Variants in NELL1 observed in about 807,000 individuals in gnomAD.
The protein encoded by NELL1 is protein kinase C-binding protein NELL1.
In NELL1, 76 loss-of-function variants were observed where a neutral mutation model predicts 107.4. That is an observed-to-expected ratio of 0.71 (90% confidence interval 0.59 to 0.86). The LOEUF is 0.86. Ranked by LOEUF, NELL1 falls within the 40% of genes least tolerant of loss-of-function variation. The pLI is 0.00. For synonymous variants in NELL1, 353 were observed against 341.2 expected (o/e 1.03, Z -0.38); for missense variants, 1,024 against 1,005.5 (o/e 1.02, Z -0.25).
intron 11 of NELL1, among the ~76,000 whole-genome samples, chr11:20,951,222 T>G (rs548633176): frequency 6.6e-6 from 1 of 152,238 alleles, no homozygotes. Context: ...ATTTTACATA[T>G]GAAATAAGGT....
intron 5 of NELL1, among the ~76,000 whole-genome samples, chr11:20,893,829 C>A (rs1849668707): frequency 8.1e-6 from 1 of 124,090 alleles, no homozygotes; most frequent in African/African-American, 3.0e-5. Flanking sequence ...AAAATAAGGA[C>A]TCATAAATGT....
At chr11:21,068,436 A>G (rs1413233249) in intron 12 of NELL1, among the ~76,000 whole-genome samples, 1 of 152,172 alleles carries the variant, frequency 6.6e-6, no homozygotes, top group African/African-American at 2.4e-5. Context: ...TACTCTTTCC[A>G]CTTCATTAGA....
chr11:21,257,598 G>A (rs566550220), intron 14 of NELL1, among the ~76,000 whole-genome samples: 2 of 151,968 alleles, frequency 1.3e-5, no homozygotes, highest in African/African-American at 2.4e-5. Context: ...GGAAGTAAAG[G>A]TGAACTCCTG....
chr11:21,539,921 T>G (rs922110245), intron 16 of NELL1, among the ~76,000 whole-genome samples: 1 of 151,948 alleles, frequency 6.6e-6, no homozygotes, highest in African/African-American at 2.4e-5. Context: ...CCCTGTCTCC[T>G]GTCCATATCA....
chr11:21,260,989 G>T (rs1848517938), intron 14 of NELL1, among the ~76,000 whole-genome samples: 1 of 151,678 alleles, frequency 6.6e-6, no homozygotes, highest in African/African-American at 2.4e-5. Flanking sequence ...TTCTTTAAGT[G>T]GAGGTAATAT....
At position 21,449,159 on chromosome 11, in the gene NELL1, T is replaced by C. The variant is rs936155173; in HGVS notation, c.1645+78211T>C. Among the ~76,000 whole-genome samples, 11 of 152,218 alleles carry C rather than the reference T, an allele frequency of 7.2e-5. 1 individual carries two copies. The highest frequency in any genetic ancestry group is 2.7e-4 in the African/African-American group (11 of 41,468). On this transcript the variant is annotated intron_variant, in intron 15 of 19. Coordinates refer to ENST00000357134, the MANE Select transcript of NELL1 (RefSeq NM_006157.5). The stretch of plus-strand genomic sequence containing the variant: ...ACTGTTTTCGAAATTGATTACACTA[T>C]TTTGCATTCCCACCAGCAGTGTATG...
intron 15 of NELL1, among the ~76,000 whole-genome samples, chr11:21,473,720 G>C (rs1854243560): frequency 6.6e-6 from 1 of 151,994 alleles, no homozygotes; most frequent in African/African-American, 2.4e-5. Flanking sequence ...GATCAGTTCA[G>C]TTTTTTGGAA....
chr11:21,296,317 C>T (rs1849375805), intron 14 of NELL1, among the ~76,000 whole-genome samples: 1 of 151,738 alleles, frequency 6.6e-6, no homozygotes. Context: ...CAAAAAACCC[C>T]CTCTCAACAA....
At chr11:21,459,179 T>C (rs530573271) in intron 15 of NELL1, among the ~76,000 whole-genome samples, 1 of 152,032 alleles carries the variant, frequency 6.6e-6, no homozygotes, top group African/African-American at 2.4e-5. Flanking sequence ...TTGAGGGGAC[T>C]TGACCAGAAA....
chr11:21,109,379 C>T (rs1855052400), intron 12 of NELL1, among the ~76,000 whole-genome samples: 1 of 152,092 alleles, frequency 6.6e-6, no homozygotes, highest in Admixed American at 6.6e-5. Flanking sequence ...AACTGTGGTT[C>T]TTCCTAGTAA....
intron 7 of NELL1, chr11:20,927,052 G>A (rs544768662): frequency 5.0e-6 from 2 of 399,586 alleles, no homozygotes; most frequent in East Asian, 1.0e-4. Context: ...GAACACCCAT[G>A]AGGTTCCTGA....
chr11:20,894,827 TAA>T (rs1273903508), intron 5 of NELL1, among the ~76,000 whole-genome samples: 1 of 152,228 alleles, frequency 6.6e-6, no homozygotes, highest in Non-Finnish European at 1.5e-5. Flanking sequence ...ACAGAATTTT[TAA>T]GATTTGCATA....
At chr11:21,088,457 C>T (rs1349360640) in intron 12 of NELL1, among the ~76,000 whole-genome samples, 3 of 152,082 alleles carry the variant, frequency 2.0e-5, no homozygotes, top group African/African-American at 7.2e-5. Flanking sequence ...TCAAACCTGC[C>T]TTTGGCTCCA....
chr11:21,117,445 T>A (rs1855264552), intron 13 of NELL1, among the ~76,000 whole-genome samples: 1 of 152,020 alleles, frequency 6.6e-6, no homozygotes. Context: ...AATGAAATAA[T>A]GCATAAAGCT....
At chr11:20,870,549 C>T (rs1044104563) in intron 4 of NELL1, among the ~76,000 whole-genome samples, 5 of 151,904 alleles carry the variant, frequency 3.3e-5, no homozygotes, top group African/African-American at 1.2e-4. Flanking sequence ...TTATTATCAT[C>T]CATGAAGTAC....
chr11:21,471,971 A>G (rs1854194248), intron 15 of NELL1, among the ~76,000 whole-genome samples: 1 of 152,064 alleles, frequency 6.6e-6, no homozygotes. Context: ...AAAAGAAACA[A>G]GGTACAGTAC....
intron 13 of NELL1, chr11:21,170,040 AC>A: frequency 8.5e-7 from 1 of 1,179,092 alleles, no homozygotes; most frequent in Non-Finnish European, 1.3e-6. Flanking sequence ...ATCAGCACAG[AC>A]CACATCCCTG....
At chr11:20,946,332 A>T (rs1850961681) in intron 10 of NELL1, among the ~76,000 whole-genome samples, 1 of 152,188 alleles carries the variant, frequency 6.6e-6, no homozygotes, top group African/African-American at 2.4e-5. Context: ...CCCCTTAAAA[A>T]TGGGAGAGAA....
intron 15 of NELL1, among the ~76,000 whole-genome samples, chr11:21,402,643 CTT>C (rs76528457): frequency 7.0e-4 from 100 of 143,152 alleles, no homozygotes; most frequent in South Asian, 8.8e-4. Context: ...AGATCCTTTT[CTT>C]TTTTTTTTTT....
Sources: allele counts gnomAD v4.1 joint callset (sites outside exome capture counted in the v4.1 genomes callset), GRCh38; gene constraint gnomAD v4.1.1; transcripts MANE v1.5; gene names NCBI Gene and HGNC (gene_info 2026-07-23, HGNC 2026-07-21).